Variants in DDX10 observed in about 807,000 individuals in gnomAD.
DDX10 encodes the protein probable ATP-dependent RNA helicase DDX10.
In DDX10, 74 loss-of-function variants were observed where a neutral mutation model predicts 104.3. The ratio of observed to expected loss-of-function variants is 0.71; its 90% CI spans 0.59 to 0.86. DDX10 has a LOEUF of 0.86. Ranked by LOEUF, DDX10 falls within the 40% of genes least tolerant of loss-of-function variation. DDX10 has a pLI of 0.00. For synonymous variants in DDX10, 351 were observed against 353.4 expected, an observed-to-expected ratio of 0.99 and a Z score of 0.08; for missense variants, 952 against 1,040.0, an observed-to-expected ratio of 0.92 and a Z score of 1.16.
rs563570164 is a variant in DDX10, at chr11:108,816,920, G to T, written c.1966-21526G>T. Among the ~76,000 whole-genome samples the T allele has an allele frequency of 6.6e-5, 10 of 152,174 alleles. No homozygotes were observed. In the South Asian group the frequency reaches 2.1e-3, roughly 32 times the overall value. ...TGCTCCTATTAAATCTTCATAGCAG[G>T]CAACCCCCACCTTCCAAAGTAAACA... On this transcript the variant is annotated intron_variant, in intron 13 of 17. Coordinates refer to ENST00000322536, the MANE Select transcript of DDX10 (RefSeq NM_004398.4).
intron 16 of DDX10, among the ~76,000 whole-genome samples, chr11:108,876,623 TAA>T (rs1193994980): frequency 6.6e-6 from 1 of 152,198 alleles, no homozygotes; most frequent in African/African-American, 2.4e-5. Flanking sequence ...TCTCTGAGCC[TAA>T]GTTTTTTCCT....
chr11:108,674,103 C>T (rs903531405), intron 2 of DDX10, among the ~76,000 whole-genome samples: 3 of 152,022 alleles, frequency 2.0e-5, no homozygotes, highest in African/African-American at 4.8e-5. Flanking sequence ...GTGGGTGGAT[C>T]ACAGGGTCAG....
chr11:108,780,095 A>T (rs1378995354), intron 13 of DDX10, among the ~76,000 whole-genome samples: 1 of 152,218 alleles, frequency 6.6e-6, no homozygotes. Flanking sequence ...TGGCAAAGAG[A>T]TGGACATTTA....
chr11:108,880,365 A>T (rs1191832425), intron 16 of DDX10, among the ~76,000 whole-genome samples: 1 of 152,158 alleles, frequency 6.6e-6, no homozygotes, highest in African/African-American at 2.4e-5. Context: ...ATACAGCCAC[A>T]TTGGGGGTTA....
intron 17 of DDX10, chr11:108,918,258 A>G (rs554302208): frequency 8.3e-6 from 4 of 482,700 alleles, no homozygotes; most frequent in Middle Eastern, 5.3e-4. Context: ...AGATATGAGT[A>G]TGATATATGA....
At chr11:108,798,571 T>G (rs1372557732) in intron 13 of DDX10, among the ~76,000 whole-genome samples, 2 of 152,254 alleles carry the variant, frequency 1.3e-5, no homozygotes, top group Non-Finnish European at 2.9e-5. Context: ...TGTGACTGGC[T>G]TGTTTCACTT....
At chr11:108,689,822 A>C (rs1478636901) in intron 7 of DDX10, among the ~76,000 whole-genome samples, 1 of 152,170 alleles carries the variant, frequency 6.6e-6, no homozygotes. Context: ...TTTTGCAATA[A>C]CTTTCCATGA....
chr11:108,668,500 A>G (rs2094212878), intron 1 of DDX10, among the ~76,000 whole-genome samples: 1 of 152,238 alleles, frequency 6.6e-6, no homozygotes, highest in South Asian at 2.1e-4. Context: ...ATACTAGGAT[A>G]TAATTATTTG....
At chr11:108,682,757 G>T (rs2094237372) in intron 6 of DDX10, among the ~76,000 whole-genome samples, 1 of 152,132 alleles carries the variant, frequency 6.6e-6, no homozygotes, top group African/African-American at 2.4e-5. Context: ...TTCCACCTGA[G>T]AATTTTTCTT....
intron 13 of DDX10, among the ~76,000 whole-genome samples, chr11:108,825,321 A>T (rs1862381306): frequency 6.6e-6 from 1 of 152,154 alleles, no homozygotes; most frequent in Non-Finnish European, 1.5e-5. Flanking sequence ...TATATATGAA[A>T]GTTGTTTTTC....
rs7102884 is a variant in DDX10, at chr11:108,665,812, T to C, written c.186+473T>C. Among the ~76,000 whole-genome samples, 1,211 of 152,314 alleles carry C rather than the reference T, an allele frequency of 8.0e-3. 15 individuals carry two copies. Among genetic ancestry groups the C allele is most frequent in the African/African-American group, 0.028 (1,158 of 41,550 alleles). ...GGTGTGGAATTGGAAGCTAGATCCA[T>C]GTCTTTCTAATCCCAAAGCCTTTGC... On this transcript the variant is annotated intron_variant, in intron 1 of 17. Coordinates refer to ENST00000322536, the MANE Select transcript of DDX10 (RefSeq NM_004398.4).
chr11:108,823,072 T>A (rs1862348025), intron 13 of DDX10, among the ~76,000 whole-genome samples: 1 of 152,214 alleles, frequency 6.6e-6, no homozygotes, highest in South Asian at 2.1e-4. Flanking sequence ...CTCTAGGTGA[T>A]CCTGGAGGGT....
At chr11:108,812,305 G>C (rs1288258873) in intron 13 of DDX10, among the ~76,000 whole-genome samples, 1 of 152,108 alleles carries the variant, frequency 6.6e-6, no homozygotes, top group Admixed American at 6.5e-5. Context: ...CTTAATTTTT[G>C]CCACACAGCA....
intron 13 of DDX10, among the ~76,000 whole-genome samples, chr11:108,773,296 C>T (rs1565274002): frequency 6.6e-6 from 1 of 152,142 alleles, no homozygotes; most frequent in African/African-American, 2.4e-5. Flanking sequence ...GCAAACTCAA[C>T]CCTAACTTTG....
At chr11:108,787,201 T>A (rs1039337746) in intron 13 of DDX10, among the ~76,000 whole-genome samples, 12 of 152,230 alleles carry the variant, frequency 7.9e-5, no homozygotes, top group Non-Finnish European at 1.6e-4. Flanking sequence ...AGGTTTCTTC[T>A]AAGAGGTCTG....
intron 13 of DDX10, among the ~76,000 whole-genome samples, chr11:108,770,606 G>A (rs2094361910): frequency 6.6e-6 from 1 of 150,912 alleles, no homozygotes; most frequent in African/African-American, 2.4e-5. Flanking sequence ...TAATAAGTGA[G>A]AATATGAAAT....
intron 6 of DDX10, 77 bp from the exon 7 acceptor site, chr11:108,688,859 T>C: frequency 6.6e-7 from 1 of 1,513,054 alleles, no homozygotes; most frequent in Non-Finnish European, 9.0e-7. Context: ...CTATTAAAAC[T>C]TGTTTCCTTT....
chr11:108,874,127 C>T (rs1863118729), intron 16 of DDX10, among the ~76,000 whole-genome samples: 2 of 152,026 alleles, frequency 1.3e-5, no homozygotes, highest in Non-Finnish European at 2.9e-5. Flanking sequence ...TTTACAGCCA[C>T]AGGATATGCA....
chr11:108,856,216 G>A (rs958061842), intron 16 of DDX10, among the ~76,000 whole-genome samples: 4 of 152,072 alleles, frequency 2.6e-5, no homozygotes, highest in African/African-American at 9.7e-5. Flanking sequence ...GATCACCTGC[G>A]GTGAGGGGTT....
Sources: allele counts gnomAD v4.1 joint callset (sites outside exome capture counted in the v4.1 genomes callset), GRCh38; gene constraint gnomAD v4.1.1; transcripts MANE v1.5; gene names NCBI Gene and HGNC (gene_info 2026-07-23, HGNC 2026-07-21).